The following MAGI2 variants were observed in gnomAD, a reference collection of about 807,000 sequenced individuals.
MAGI2 encodes membrane-associated guanylate kinase, WW and PDZ domain-containing protein 2.
MAGI2 carries 35 observed loss-of-function variants against 133.3 expected under a neutral mutation model. The observed-to-expected ratio is 0.26, with a 90% CI of 0.20 to 0.35. MAGI2 has a LOEUF of 0.35. Among genes scored for constraint, MAGI2 ranks in the 10% least tolerant of loss-of-function variants. MAGI2 has a pLI of 1.00. For synonymous variants in MAGI2, 729 were observed against 710.6 expected, an observed-to-expected ratio of 1.03 and a Z score of -0.41; for missense variants, 1,636 against 1,863.4, an observed-to-expected ratio of 0.88 and a Z score of 2.25.
intron 16 of MAGI2, among the ~76,000 whole-genome samples, chr7:78,146,885 A>G (rs1045791421): frequency 6.6e-6 from 1 of 152,226 alleles, no homozygotes; most frequent in Non-Finnish European, 1.5e-5. Flanking sequence ...ATCTTCACAC[A>G]GTTTCCTTGT....
chr7:78,990,078 A>T (rs1253147984), intron 2 of MAGI2, among the ~76,000 whole-genome samples: 1 of 152,030 alleles, frequency 6.6e-6, no homozygotes, highest in Non-Finnish European at 1.5e-5. Context: ...AACCAAATTT[A>T]TTGAACATTT....
At chr7:78,573,185 C>T (rs1240135241) in intron 3 of MAGI2, among the ~76,000 whole-genome samples, 2 of 72,238 alleles carry the variant, frequency 2.8e-5, no homozygotes, top group Admixed American at 2.1e-4. Flanking sequence ...TACCCTGGAA[C>T]TTTTATATAT....
chr7:78,506,283 T>C (rs1293148235), intron 4 of MAGI2, among the ~76,000 whole-genome samples: 2 of 151,326 alleles, frequency 1.3e-5, no homozygotes, highest in African/African-American at 4.9e-5. Flanking sequence ...GAAGGAGGAG[T>C]AGGATTCTGT....
At chr7:78,629,834 T>C (rs2150960951) in intron 2 of MAGI2, among the ~76,000 whole-genome samples, 1 of 152,294 alleles carries the variant, frequency 6.6e-6, no homozygotes, top group East Asian at 1.9e-4. Flanking sequence ...CCAAATTTCC[T>C]AAAGTTTCCT....
intron 2 of MAGI2, among the ~76,000 whole-genome samples, chr7:78,817,913 G>A (rs73369434): frequency 0.01 from 1,561 of 152,056 alleles, 17 homozygotes; most frequent in African/African-American, 0.036. Context: ...GTCTCACCAC[G>A]TTGGTCAGCC....
chr7:78,653,140 T>A (rs1811759913), intron 2 of MAGI2, among the ~76,000 whole-genome samples: 2 of 152,152 alleles, frequency 1.3e-5, no homozygotes, highest in South Asian at 4.1e-4. Flanking sequence ...AAACAACAGA[T>A]GCTGGAGAGG....
chr7:78,740,831 T>C lies in MAGI2; in HGVS notation c.419-113592A>G, dbSNP rs533476658. 8.7e-4 allele frequency among the ~76,000 whole-genome samples: 132 copies of C among 152,318 alleles called. 1 individual carries two copies. The highest frequency in any genetic ancestry group is 3.0e-3 in the African/African-American group (123 of 41,574). On this transcript the variant is annotated intron_variant, in intron 2 of 21. Transcript: ENST00000354212. ...AACAAAGAAAGCACCCCCATGCTAA[T>C]AGCAACATTTTCTCAAAAGTTTTTA...
intron 6 of MAGI2, among the ~76,000 whole-genome samples, chr7:78,426,931 A>G (rs989529817): frequency 2.0e-5 from 3 of 152,212 alleles, no homozygotes; most frequent in Admixed American, 6.5e-5. Context: ...TGGAGTTTAT[A>G]TGTACGCACG....
At chr7:78,280,783 T>TGTCAA (rs780792759) in intron 9 of MAGI2, among the ~76,000 whole-genome samples, 2 of 147,448 alleles carry the variant, frequency 1.4e-5, no homozygotes, top group East Asian at 2.0e-4. Flanking sequence ...AAATACGGAA[T>TGTCAA]GTCAAGTCCC....
At chr7:79,409,148 T>C (rs1203656233) in intron 1 of MAGI2, among the ~76,000 whole-genome samples, 1 of 152,136 alleles carries the variant, frequency 6.6e-6, no homozygotes, top group African/African-American at 2.4e-5. Context: ...TTAGATATAC[T>C]AAGAGAAAAA....
intron 2 of MAGI2, among the ~76,000 whole-genome samples, chr7:78,867,043 G>C (rs1321660864): frequency 2.0e-5 from 3 of 150,588 alleles, no homozygotes. Context: ...GGAAACAACA[G>C]GTGCTGGAGA....
rs535622723 is a variant in MAGI2 at position 78,517,940 on chromosome 7, T to A, written c.754+3490A>T. On this transcript the variant is annotated intron_variant, in intron 4 of 21. Coordinates refer to ENST00000354212, the MANE Select transcript of MAGI2 (RefSeq NM_012301.4). ...AAGGTGGTCATTGAGTTTAGATAGA[T>A]AAGGTCTGAGAGAAAAAGAAAACTG... 3 of 151,302 alleles carry A rather than the reference T, an allele frequency of 2.0e-5. No individual in the cohort carries two copies. In the East Asian group the frequency reaches 5.9e-4, roughly 30 times the overall value. 9.4% of individuals were successfully genotyped at this position (151,302 alleles called of 1,614,324 possible). A position where few individuals can be genotyped will look rare whatever the true frequency, so the allele number is the denominator to read the frequency against.
At chr7:78,412,849 A>T (rs1423137657) in intron 6 of MAGI2, among the ~76,000 whole-genome samples, 1 of 152,116 alleles carries the variant, frequency 6.6e-6, no homozygotes, top group Non-Finnish European at 1.5e-5. Flanking sequence ...TGTGAACTGC[A>T]GCCGTATGTT....
chr7:78,401,863 A>G (rs1010176094), intron 6 of MAGI2, among the ~76,000 whole-genome samples: 1 of 152,136 alleles, frequency 6.6e-6, no homozygotes, highest in Non-Finnish European at 1.5e-5. Flanking sequence ...AGTATGAGTA[A>G]GCAGTTACAA....
chr7:79,118,555 G>A (rs142570681), intron 1 of MAGI2, among the ~76,000 whole-genome samples: 1 of 152,130 alleles, frequency 6.6e-6, no homozygotes, highest in African/African-American at 2.4e-5. Context: ...GCATATTTGG[G>A]GAGAATAAAT....
chr7:78,242,899 G>A (rs985339819), intron 10 of MAGI2, among the ~76,000 whole-genome samples: 1 of 151,866 alleles, frequency 6.6e-6, no homozygotes, highest in African/African-American at 2.4e-5. Context: ...GCAACATGTT[G>A]TAATGTTACA....
intron 2 of MAGI2, among the ~76,000 whole-genome samples, chr7:78,655,520 A>G (rs1172397073): frequency 6.6e-6 from 1 of 150,910 alleles, no homozygotes; most frequent in Non-Finnish European, 1.5e-5. Flanking sequence ...AGCATAGAGA[A>G]TACGTCTGAA....
At chr7:78,598,933 G>A (rs1584789961) in intron 3 of MAGI2, among the ~76,000 whole-genome samples, 1 of 152,128 alleles carries the variant, frequency 6.6e-6, no homozygotes, top group African/African-American at 2.4e-5. Context: ...AATGCTTATG[G>A]GACATCAAAC....
At chr7:78,400,937 T>G (rs995624430) in intron 6 of MAGI2, among the ~76,000 whole-genome samples, 8 of 152,254 alleles carry the variant, frequency 5.3e-5, no homozygotes, top group Non-Finnish European at 1.0e-4. Context: ...GCTGTCATAG[T>G]CAAATGTAAA....
Sources: allele counts gnomAD v4.1 joint callset (sites outside exome capture counted in the v4.1 genomes callset), GRCh38; gene constraint gnomAD v4.1.1; transcripts MANE v1.5; gene names NCBI Gene and HGNC (gene_info 2026-07-23, HGNC 2026-07-21).